Variants in GALNT13 observed in about 807,000 individuals in gnomAD.
The protein encoded by GALNT13 is polypeptide N-acetylgalactosaminyltransferase 13, also known as UDP-GalNAc:polypeptide N-acetylgalactosaminyltransferase 13.
A neutral mutation model predicts 64.2 loss-of-function variants in GALNT13; 28 were observed. The observed-to-expected ratio is 0.44, with a 90% CI of 0.32 to 0.60. GALNT13 has a LOEUF of 0.60. Ranked by LOEUF, GALNT13 falls within the 20% of genes least tolerant of loss-of-function variation. GALNT13 has a pLI of 0.05. For missense variants in GALNT13, 577 were observed against 669.8 expected (o/e 0.86, Z 1.53); for synonymous variants, 214 against 224.6 (o/e 0.95, Z 0.42).
At chr2:153,701,573 GA>G in the GALNT13 span, among the ~76,000 whole-genome samples, 2 of 152,210 alleles carry the variant, frequency 1.3e-5, no homozygotes, top group Non-Finnish European at 2.9e-5. Context: ...CTGAATGAGA[GA>G]AAAGTTTTGC....
chr2:153,091,439 C>T, the GALNT13 span, among the ~76,000 whole-genome samples: 1 of 152,106 alleles, frequency 6.6e-6, no homozygotes, highest in Non-Finnish European at 1.5e-5. Context: ...GCAGGTTTTC[C>T]CCATCTCACA....
the GALNT13 span, among the ~76,000 whole-genome samples, chr2:153,854,106 G>T: frequency 1.3e-5 from 2 of 151,660 alleles, no homozygotes; most frequent in Non-Finnish European, 2.9e-5. Context: ...AAACACAATT[G>T]TAATTATTGC....
rs1429299663 is a variant in GALNT13 at position 154,180,294 on chromosome 2, T to G, written c.311+39789T>G. ...GTTTTTTGAGCATTAAAATGAAAAT[T>G]TTATTGTATATAATTTTTGTTATTT... On this transcript the variant is annotated intron_variant, in intron 4 of 12. Transcript: ENST00000392825. 5.3e-5 allele frequency among the ~76,000 whole-genome samples: 8 copies of G among 152,188 alleles called. No individual in the cohort carries two copies. The East Asian group carries it at 1.5e-3, about 29-fold the overall frequency.
chr2:154,315,336 C>G (rs932800931), intron 9 of GALNT13, among the ~76,000 whole-genome samples: 9 of 152,090 alleles, frequency 5.9e-5, no homozygotes, highest in African/African-American at 2.2e-4. Context: ...TGCAGTAAAT[C>G]TTCAATAGGG....
intron 4 of GALNT13, among the ~76,000 whole-genome samples, chr2:154,210,519 A>T (rs1364370595): frequency 6.6e-6 from 1 of 152,192 alleles, no homozygotes; most frequent in Admixed American, 6.5e-5. Flanking sequence ...AGGCCAATGT[A>T]CCTACTCATA....
At chr2:153,344,679 T>G in the GALNT13 span, among the ~76,000 whole-genome samples, 124,920 of 152,112 alleles carry the variant, frequency 0.82, 52,206 homozygotes, top group African/African-American at 0.9. Context: ...CAAATGTACA[T>G]CATGTGACTA....
the GALNT13 span, among the ~76,000 whole-genome samples, chr2:153,841,850 A>G: frequency 1.3e-5 from 2 of 152,192 alleles, no homozygotes; most frequent in Non-Finnish European, 2.9e-5. Context: ...CCAAAATTAC[A>G]AGCCAACACT....
Position 154,298,480 on chromosome 2 carries a change from A to ATATATACATATATAAATTATATATAAT in GALNT13, c.976-2928_976-2927insATATACATATATAAATTATATATAATT, listed in dbSNP as rs1693078788. On this transcript the variant is annotated intron_variant, in intron 8 of 12. Coordinates refer to ENST00000392825, the MANE Select transcript of GALNT13 (RefSeq NM_052917.4). ...ATATACATATATAAATTATATATAA[A>ATATATACATATATAAATTATATATAAT]TTATATATAAATTATATATACATAT... Among the ~76,000 whole-genome samples, 12 of 125,236 alleles carry ATATATACATATATAAATTATATATAAT rather than the reference A, an allele frequency of 9.6e-5. No individual in the cohort carries two copies. The South Asian group carries it at 2.3e-3, about 24-fold the overall frequency. 82.2% of individuals were successfully genotyped at this position (125,236 alleles called of 152,430 possible). A position where few individuals can be genotyped will look rare whatever the true frequency, so the allele number is the denominator to read the frequency against.
intron 4 of GALNT13, among the ~76,000 whole-genome samples, chr2:154,197,671 A>G (rs1444880447): frequency 1.5e-4 from 23 of 152,146 alleles, no homozygotes; most frequent in Non-Finnish European, 5.9e-5. Context: ...TTGAAGTAAA[A>G]GACTGATATT....
upstream of GALNT13, among the ~76,000 whole-genome samples, chr2:153,870,658 A>T (rs1685863849): frequency 6.6e-6 from 1 of 151,608 alleles, no homozygotes; most frequent in Non-Finnish European, 1.5e-5. Context: ...TTTAAATGAT[A>T]CTTGACTCAC....
the GALNT13 span, among the ~76,000 whole-genome samples, chr2:153,111,987 C>A: frequency 2.6e-5 from 4 of 152,088 alleles, no homozygotes; most frequent in Admixed American, 2.0e-4. Context: ...CTATACTAGG[C>A]AATGGGGATA....
chr2:153,882,276 C>T (rs13034476), intron 1 of GALNT13, among the ~76,000 whole-genome samples: 100,851 of 151,774 alleles, frequency 0.66, 34,151 homozygotes, highest in Non-Finnish European at 0.72. Flanking sequence ...CTCAATAATG[C>T]TGAAAAAAGT....
the GALNT13 span, among the ~76,000 whole-genome samples, chr2:153,590,496 C>T: frequency 6.6e-6 from 1 of 152,054 alleles, no homozygotes; most frequent in East Asian, 1.9e-4. Context: ...CAGTATTACA[C>T]TGATACCAAA....
At chr2:154,238,243 A>G (rs1453559147) in intron 4 of GALNT13, among the ~76,000 whole-genome samples, 1 of 152,068 alleles carries the variant, frequency 6.6e-6, no homozygotes, top group Admixed American at 6.5e-5. Flanking sequence ...TGTCCCTCAT[A>G]TGATAAGCAA....
the GALNT13 span, among the ~76,000 whole-genome samples, chr2:153,631,644 T>A: frequency 6.6e-5 from 10 of 152,244 alleles, no homozygotes; most frequent in African/African-American, 2.2e-4. Flanking sequence ...CTTCACCCAC[T>A]TGTTGATGGG....
At chr2:153,637,376 G>T in the GALNT13 span, among the ~76,000 whole-genome samples, 1 of 152,070 alleles carries the variant, frequency 6.6e-6, no homozygotes, top group African/African-American at 2.4e-5. Flanking sequence ...CTGTTCTTAT[G>T]CAGTGGAAAT....
At chr2:153,840,897 A>G in the GALNT13 span, among the ~76,000 whole-genome samples, 1 of 152,114 alleles carries the variant, frequency 6.6e-6, no homozygotes, top group South Asian at 2.1e-4. Context: ...GGTAAATTGA[A>G]CATATTCAGC....
chr2:154,374,217 G>T (rs1697852555), intron 9 of GALNT13, among the ~76,000 whole-genome samples: 1 of 152,166 alleles, frequency 6.6e-6, no homozygotes, highest in Non-Finnish European at 1.5e-5. Context: ...GATACAGGGT[G>T]AATTTCTAAT....
At chr2:153,330,660 T>C in the GALNT13 span, among the ~76,000 whole-genome samples, 1 of 152,092 alleles carries the variant, frequency 6.6e-6, no homozygotes, top group African/African-American at 2.4e-5. Flanking sequence ...TGTTTATCAA[T>C]CCCAAGAGCC....
Sources: allele counts gnomAD v4.1 joint callset (sites outside exome capture counted in the v4.1 genomes callset), GRCh38; gene constraint gnomAD v4.1.1; transcripts MANE v1.5; gene names NCBI Gene and HGNC (gene_info 2026-07-23, HGNC 2026-07-21).